NHSL1: variants seen among roughly 807,000 people sequenced by gnomAD.
NHSL1 encodes the protein NHS like 1.
NHSL1 carries 48 observed loss-of-function variants against 95.0 expected under a neutral mutation model. The observed-to-expected ratio is 0.51, with a 90% CI of 0.40 to 0.64. The LOEUF (loss-of-function observed/expected upper bound fraction) is 0.64, where lower values mean the gene tolerates loss of function less well. NHSL1 is among the 30% of genes least tolerant of loss of function. The pLI, the probability that NHSL1 is intolerant of heterozygous loss-of-function variation, is 0.00. For synonymous variants in NHSL1, 783 were observed against 833.9 expected (o/e 0.94, Z 1.05); for missense variants, 1,971 against 2,077.7 (o/e 0.95, Z 1.00).
At chr6:138,616,119 CT>C (rs1432770736) in intron 1 of NHSL1, among the ~76,000 whole-genome samples, 4 of 152,200 alleles carry the variant, frequency 2.6e-5, no homozygotes, top group Non-Finnish European at 5.9e-5. Flanking sequence ...TAAATCTATT[CT>C]GATTTGCTAG....
At chr6:138,457,019 T>A (rs988245724) in intron 3 of NHSL1, among the ~76,000 whole-genome samples, 1 of 152,026 alleles carries the variant, frequency 6.6e-6, no homozygotes, top group Non-Finnish European at 1.5e-5. Flanking sequence ...TAGCTGGGAC[T>A]ACAGGTGCAT....
intron 1 of NHSL1, among the ~76,000 whole-genome samples, chr6:138,504,750 T>C (rs1216646573): frequency 6.6e-6 from 1 of 152,128 alleles, no homozygotes; most frequent in Non-Finnish European, 1.5e-5. Context: ...GACAAGTAGG[T>C]TTGAATAGGA....
chr6:138,659,443 C>T (rs1342104363), intron 1 of NHSL1, among the ~76,000 whole-genome samples: 1 of 152,108 alleles, frequency 6.6e-6, no homozygotes. Context: ...TTCTGAATGG[C>T]AGCTGTGAAG....
At position 138,657,169 on chromosome 6, in the gene NHSL1, G is replaced by A. The variant is rs571905104; in HGVS notation, c.96+35307C>T. Among the ~76,000 whole-genome samples, 19 of 151,782 alleles carry A rather than the reference G, an allele frequency of 1.3e-4. No homozygotes were observed. The East Asian group carries it at 1.7e-3, about 14-fold the overall frequency. Reference sequence around the variant, plus strand: ...ATTTTTTTTCCTCATGTAACAGAACGTCCAGTCTGCAGTCAGTCCATCCAT... The same window carrying A: ...ATTTTTTTTCCTCATGTAACAGAACATCCAGTCTGCAGTCAGTCCATCCAT... On this transcript the variant is annotated intron_variant, in intron 1 of 3. Transcript: ENST00000491526.
At chr6:138,601,833 C>A (rs919302036) in intron 1 of NHSL1, among the ~76,000 whole-genome samples, 10 of 151,876 alleles carry the variant, frequency 6.6e-5, no homozygotes, top group African/African-American at 2.4e-4. Context: ...AAAAGTTTTT[C>A]TTAAATCCAG....
chr6:138,550,239 CA>C (rs752442241), upstream of NHSL1, among the ~76,000 whole-genome samples: 5 of 146,156 alleles, frequency 3.4e-5, no homozygotes, highest in Non-Finnish European at 3.0e-5. Flanking sequence ...ACTCTATCTC[CA>C]AAAAAAAAAT....
rs1337249274 is a variant in NHSL1, at chr6:138,484,641, T to G, written c.212-11208A>C. Among the ~76,000 whole-genome samples the G allele has an allele frequency of 2.0e-5, 3 of 152,202 alleles. No individual in the cohort carries two copies. The East Asian group carries it at 5.8e-4, about 29-fold the overall frequency. ...TCTCTGTCACTGACATTAAACACCA[T>G]AGACAATCTCATTTTATGTAGAAGG... On this transcript the variant is annotated intron_variant, in intron 2 of 7. Transcript: ENST00000343505.
At position 138,432,669 on chromosome 6, in the gene NHSL1, C is replaced by T. The variant is rs918083344; in HGVS notation, c.1676G>A (p.Gly559Asp). 12 of 1,551,610 alleles carry T rather than the reference C, an allele frequency of 7.7e-6. No individual in the cohort carries two copies. The highest frequency in any genetic ancestry group is 1.0e-5 in the Non-Finnish European group (12 of 1,147,000). Residue 559 changes from glycine to aspartate, a missense_variant, in exon 6 of 8, where the codon GGT becomes GAT. Coordinates refer to ENST00000343505, the MANE Select transcript of NHSL1 (RefSeq NM_001144060.2). This position sits in a 1 kb window ranked among gnomAD's most constrained non-coding sequence, Gnocchi z 4.4. ...SSEPWEYKSS[G>D]NGRASPLKPH... Reference sequence around the variant, plus strand: ...CTTCAGGGGGGATGCCCTTCCATTACCTGAGGATTTGTATTCCCAGGGCTC... The same window carrying T: ...CTTCAGGGGGGATGCCCTTCCATTATCTGAGGATTTGTATTCCCAGGGCTC...
chr6:138,596,241 G>A (rs1363928797), intron 1 of NHSL1, among the ~76,000 whole-genome samples: 6 of 152,210 alleles, frequency 3.9e-5, no homozygotes, highest in South Asian at 2.1e-4. Context: ...ACTGAACAAC[G>A]AAGAGGTTAA....
chr6:138,600,027 C>G (rs1784351764), intron 1 of NHSL1, among the ~76,000 whole-genome samples: 1 of 151,998 alleles, frequency 6.6e-6, no homozygotes, highest in African/African-American at 2.4e-5. Context: ...ATCTGTAGCT[C>G]CAGCTACTAG....
chr6:138,476,692 G>A (rs1779092055), intron 2 of NHSL1, among the ~76,000 whole-genome samples: 1 of 152,072 alleles, frequency 6.6e-6, no homozygotes, highest in Non-Finnish European at 1.5e-5. Flanking sequence ...GCCGGGTATA[G>A]TGGTGGGTAC....
chr6:138,515,406 C>G (rs1212665201), intron 1 of NHSL1, among the ~76,000 whole-genome samples: 3 of 152,172 alleles, frequency 2.0e-5, no homozygotes, highest in Non-Finnish European at 4.4e-5. Flanking sequence ...GCACCAGAGA[C>G]ATCAAAACAA....
chr6:138,554,032 A>C (rs952139177), intron 1 of NHSL1, among the ~76,000 whole-genome samples: 19 of 152,248 alleles, frequency 1.2e-4, no homozygotes, highest in Non-Finnish European at 2.1e-4. Flanking sequence ...GAGGATACCG[A>C]AAGATGTCAT....
chr6:138,576,286 C>T (rs1783971040), upstream of NHSL1, among the ~76,000 whole-genome samples: 1 of 152,128 alleles, frequency 6.6e-6, no homozygotes, highest in Admixed American at 6.5e-5. Flanking sequence ...CCCACCGCTC[C>T]CCGCCTGCAA....
upstream of NHSL1, among the ~76,000 whole-genome samples, chr6:138,501,684 T>C (rs1380798882): frequency 6.6e-6 from 1 of 152,198 alleles, no homozygotes; most frequent in Admixed American, 6.5e-5. Flanking sequence ...CATGGGGTAA[T>C]TTCCTTTCTC....
At chr6:138,579,627 G>C (rs1304961050) in intron 1 of NHSL1, among the ~76,000 whole-genome samples, 1 of 152,174 alleles carries the variant, frequency 6.6e-6, no homozygotes, top group Non-Finnish European at 1.5e-5. Context: ...GCAATCAACA[G>C]TGAGCCAAAT....
At chr6:138,591,217 T>C (rs1784221032) in intron 1 of NHSL1, among the ~76,000 whole-genome samples, 1 of 152,192 alleles carries the variant, frequency 6.6e-6, no homozygotes, top group African/African-American at 2.4e-5. Context: ...GAAACACTGG[T>C]GCTAAATATT....
At chr6:138,680,913 A>C (rs1305166539) in intron 1 of NHSL1, among the ~76,000 whole-genome samples, 1 of 152,222 alleles carries the variant, frequency 6.6e-6, no homozygotes, top group Non-Finnish European at 1.5e-5. Flanking sequence ...CACCGTGCCC[A>C]GCCCCCTTTA....
At chr6:138,577,788 C>T (rs144019575) in intron 1 of NHSL1, among the ~76,000 whole-genome samples, 8 of 152,154 alleles carry the variant, frequency 5.3e-5, no homozygotes, top group East Asian at 1.9e-4. Context: ...TTTGTACACA[C>T]GAATAATGAA....
Sources: gnomAD v4.1 joint callset for allele counts (sites outside exome capture counted in the v4.1 genomes callset) on GRCh38, gnomAD v4.1.1 for gene constraint, Gnocchi (gnomAD v3.1) non-coding constraint, MANE v1.5 for transcripts, NCBI Gene and HGNC (gene_info 2026-07-23, HGNC 2026-07-21) for gene names.